SLC6A9: variants seen among roughly 807,000 people sequenced by gnomAD.
SLC6A9 encodes sodium- and chloride-dependent glycine transporter 1.
A neutral mutation model predicts 70.9 loss-of-function variants in SLC6A9; 31 were observed. The observed-to-expected ratio is 0.44, with a 90% CI of 0.33 to 0.59. The LOEUF (loss-of-function observed/expected upper bound fraction) is 0.59. Ranked by LOEUF, SLC6A9 falls within the 20% of genes least tolerant of loss-of-function variation. SLC6A9 has a pLI of 0.04. For missense variants in SLC6A9, 631 were observed against 845.2 expected, an observed-to-expected ratio of 0.75 and a Z score of 3.14; for synonymous variants, 310 against 341.3, an observed-to-expected ratio of 0.91 and a Z score of 1.01.
chr1:44,007,326 C>T (rs936834086), intron 5 of SLC6A9, among the ~76,000 whole-genome samples: 15 of 152,184 alleles, frequency 9.9e-5, no homozygotes, highest in Admixed American at 2.6e-4. Context: ...GCTGTTCATA[C>T]CTACCATGGG....
Position 43,996,723 on chromosome 1 carries a change from A to AG in SLC6A9, c.*821dup. ...GCTGGGGCCATTTGGCACATGAACG[A>AG]GGGCAGCACATTTGGGAAGACTGGG... is the stretch of plus-strand genomic sequence containing the variant. On this transcript the variant is annotated 3_prime_UTR_variant, in exon 14 of 14. Coordinates refer to ENST00000372310, the MANE Select transcript of SLC6A9 (RefSeq NM_001024845.3). 6.5e-6 allele frequency: 1 copy of AG among 153,818 alleles called. No homozygotes were observed. The highest frequency in any genetic ancestry group is 1.5e-5 in the Non-Finnish European group (1 of 68,906). 9.5% of individuals were successfully genotyped at this position (153,818 alleles called of 1,614,324 possible). A position where few individuals can be genotyped will look rare whatever the true frequency, so the allele number is the denominator to read the frequency against.
Position 44,008,578 on chromosome 1 carries a change from T to C in SLC6A9, c.365A>G (p.Tyr122Cys). 2.5e-6 allele frequency: 4 copies of C among 1,613,840 alleles called. No individual in the cohort carries two copies. The highest frequency in any genetic ancestry group is 3.4e-6 in the Non-Finnish European group (4 of 1,179,968). Residue 122 changes from tyrosine (Y) to cysteine (C), a missense_variant, in exon 5 of 14, where the codon TAC becomes TGC. By Grantham distance (194) the Tyr-to-Cys change is radical. Transcript: ENST00000372310. ...MMVVSTYIGI[Y>C]YNVVICIAFY... ...GGCGATGCAGATGACCACATTGTAG[T>C]AGATGCCGATGTAGGTGGACACCAC... is the stretch of plus-strand genomic sequence containing the variant.
At chr1:44,008,315 C>T in intron 5 of SLC6A9, 38 bp downstream of exon 5, 1 of 1,607,802 alleles carries the variant, frequency 6.2e-7, no homozygotes, top group Non-Finnish European at 8.5e-7. Context: ...AGGGTTGCCA[C>T]CAGGTTCCCC....
In SLC6A9 at chr1:44,000,966, C is replaced by A. The variant is rs1279431239; in HGVS notation, c.1425G>T (p.Met475Ile). The stretch of plus-strand genomic sequence containing the variant: ...GGCTCGAGTGCTCACCGTAGATGTA[C>A]ATGATGGCCACACACATGATGCAGG... The part of the protein sequence containing the change: ...VISCIMCVAI[M>I]YIYGHRNYFQ... The change falls in exon 11 of 14, where the codon ATG (methionine) becomes ATT (isoleucine). Residue 475 changes from methionine (M) to isoleucine (I), a missense_variant. Coordinates refer to ENST00000372310, the MANE Select transcript of SLC6A9 (RefSeq NM_001024845.3). The A allele has an allele frequency of 6.3e-7, 1 of 1,599,482 alleles. No individual in the cohort carries two copies. Among genetic ancestry groups the A allele is most frequent in the Admixed American group, 1.7e-5 (1 of 58,624 alleles).
At chr1:44,010,149 C>T (rs2086493632) in intron 3 of SLC6A9, 53 bp from the exon 4 acceptor site, 5 of 1,602,780 alleles carry the variant, frequency 3.1e-6, no homozygotes, top group Non-Finnish European at 4.3e-6. Context: ...GGATCTCACC[C>T]TGGGCTTCCT....
At chr1:44,003,064 GGCTGT>G (rs2086180380) in intron 5 of SLC6A9, 79 bp from the exon 6 acceptor site, 1 of 1,541,020 alleles carries the variant, frequency 6.5e-7, no homozygotes, top group African/African-American at 1.4e-5. Flanking sequence ...GGCCCACCCG[GGCTGT>G]ACCCTCCTTT....
intron 12 of SLC6A9, among the ~76,000 whole-genome samples, chr1:43,998,400 C>A (rs2085962244): frequency 1.3e-5 from 2 of 152,176 alleles, no homozygotes; most frequent in Admixed American, 6.5e-5. Flanking sequence ...CTCAAATTGT[C>A]TTGCCGGCCA....
At chr1:44,009,200 A>G (rs2086451686) in intron 4 of SLC6A9, among the ~76,000 whole-genome samples, 1 of 144,222 alleles carries the variant, frequency 6.9e-6, no homozygotes, top group Non-Finnish European at 1.5e-5. Context: ...ATAATTTTGT[A>G]TTTTTAGTAG....
chr1:44,014,345 C>G (rs1165244629), intron 2 of SLC6A9, among the ~76,000 whole-genome samples: 2 of 152,072 alleles, frequency 1.3e-5, no homozygotes, highest in South Asian at 2.1e-4. Flanking sequence ...AGCAGGTGGT[C>G]TCCAGGACAG....
chr1:44,016,840 C>G (rs2086761912), intron 2 of SLC6A9, among the ~76,000 whole-genome samples: 1 of 152,166 alleles, frequency 6.6e-6, no homozygotes, highest in African/African-American at 2.4e-5. Context: ...TCTCCTCCCC[C>G]TCACCCCCAC....
intron 5 of SLC6A9, among the ~76,000 whole-genome samples, chr1:44,005,341 A>C (rs752059772): frequency 6.6e-6 from 1 of 152,200 alleles, no homozygotes; most frequent in Non-Finnish European, 1.5e-5. Flanking sequence ...CTGAGTGAGA[A>C]GGGTGAGTGG....
intron 5 of SLC6A9, among the ~76,000 whole-genome samples, chr1:44,006,596 A>AG (rs2086323637): frequency 6.6e-6 from 1 of 151,446 alleles, no homozygotes; most frequent in Non-Finnish European, 1.5e-5. Context: ...CAAAAAAAAA[A>AG]AAAAAAAAAA....
Position 44,010,843 on chromosome 1 carries a change from T to C in SLC6A9, c.70A>G (p.Asn24Asp). 1.9e-6 allele frequency: 3 copies of C among 1,614,196 alleles called. No individual in the cohort carries two copies. In the African/African-American group the frequency reaches 4.0e-5, roughly 22 times the overall value. Reference sequence around the variant, plus strand: ...TTGCCCCAGTTGCCCCGTTTGAGGTTCTGGTCCCTCTTGGTGGCCTCGCTG... The same window carrying C: ...TTGCCCCAGTTGCCCCGTTTGAGGTCCTGGTCCCTCTTGGTGGCCTCGCTG... Reference protein sequence around the residue: ...VPSEATKRDQNLKRGNWGNQI... With the variant: ...VPSEATKRDQDLKRGNWGNQI... The change falls in exon 3 of 14, where the codon AAC becomes GAC. Residue 24 changes from asparagine (N) to aspartate (D), a missense_variant. Coordinates refer to ENST00000372310, the MANE Select transcript of SLC6A9 (RefSeq NM_001024845.3).
intron 2 of SLC6A9, among the ~76,000 whole-genome samples, chr1:44,022,213 C>T (rs2086896860): frequency 6.6e-6 from 1 of 152,240 alleles, no homozygotes; most frequent in African/African-American, 2.4e-5. Flanking sequence ...GAGCCATGCC[C>T]TCTGTGCTGC....
intron 12 of SLC6A9, among the ~76,000 whole-genome samples, chr1:43,999,578 C>T (rs1212547832): frequency 6.6e-6 from 1 of 152,080 alleles, no homozygotes; most frequent in African/African-American, 2.4e-5. Flanking sequence ...GTGGTGCCTG[C>T]CCTCCCCTGC....
At chr1:44,007,241 C>T (rs569096563) in intron 5 of SLC6A9, among the ~76,000 whole-genome samples, 45 of 152,222 alleles carry the variant, frequency 3.0e-4, no homozygotes, top group Non-Finnish European at 1.8e-4. Flanking sequence ...ATACCTGGAC[C>T]GAGGCACTTG....
At chr1:44,015,190 C>G (rs1217329344) in intron 2 of SLC6A9, among the ~76,000 whole-genome samples, 2 of 152,228 alleles carry the variant, frequency 1.3e-5, no homozygotes, top group African/African-American at 2.4e-5. Flanking sequence ...AAAGCCTACT[C>G]CCAGAGCGAA....
chr1:44,009,088 G>A lies in SLC6A9; in HGVS notation c.320-465C>T, dbSNP rs1337200593. Among the ~76,000 whole-genome samples the A allele has an allele frequency of 7.7e-5, 11 of 143,320 alleles. No individual in the cohort carries two copies. In the East Asian group the frequency reaches 1.7e-3, roughly 22 times the overall value. 94.0% of individuals were successfully genotyped at this position (143,320 alleles called of 152,430 possible). A position where few individuals can be genotyped will look rare whatever the true frequency, so the allele number is the denominator to read the frequency against. On this transcript the variant is annotated intron_variant, in intron 4 of 13. Transcript: ENST00000372310. ...CTTGCCCAGGCTGGAGTGCAATGGCGCGATCTCGGCTCACTGCAACCTCCG... is the reference window on the plus strand; with the variant it reads ...CTTGCCCAGGCTGGAGTGCAATGGCACGATCTCGGCTCACTGCAACCTCCG...
At chr1:44,027,666 G>A (rs950465479) in intron 1 of SLC6A9, among the ~76,000 whole-genome samples, 3 of 152,212 alleles carry the variant, frequency 2.0e-5, no homozygotes, top group African/African-American at 7.2e-5. Context: ...TTAAACCAAT[G>A]ACTAAAATTT....
Sources: gnomAD v4.1 joint callset for allele counts (sites outside exome capture counted in the v4.1 genomes callset) on GRCh38, gnomAD v4.1.1 for gene constraint, MANE v1.5 for transcripts, NCBI Gene and HGNC (gene_info 2026-07-23, HGNC 2026-07-21) for gene names.